Variants in GALNTL5 observed in about 807,000 individuals in gnomAD.
The protein encoded by GALNTL5 is polypeptide N-acetylgalactosaminyltransferase like 5.
A neutral mutation model predicts 51.0 loss-of-function variants in GALNTL5; 44 were observed. That is an observed-to-expected ratio of 0.86 (90% CI 0.68 to 1.11). The LOEUF is 1.11. Ranked by LOEUF, GALNTL5 falls within the 50% of genes least tolerant of loss-of-function variation. The probability of loss-of-function intolerance (pLI) is 0.00; values close to 1 mark genes in which losing one functional copy is unlikely to be tolerated. For missense variants in GALNTL5, 528 were observed against 531.8 expected (o/e 0.99, Z 0.07); for synonymous variants, 192 against 182.8 (o/e 1.05, Z -0.41).
chr7:152,016,333 G>A (rs2081812954), intron 8 of GALNTL5, among the ~76,000 whole-genome samples: 1 of 151,982 alleles, frequency 6.6e-6, no homozygotes, highest in African/African-American at 2.4e-5. Context: ...GAACCCAGGA[G>A]GCGGAAGTTG....
At chr7:151,979,481 CAG>C (rs2081252395) in intron 3 of GALNTL5, among the ~76,000 whole-genome samples, 1 of 150,118 alleles carries the variant, frequency 6.7e-6, no homozygotes, top group Admixed American at 6.7e-5. Flanking sequence ...GGGAGGGGGG[CAG>C]AGTTTTGCTC....
intron 8 of GALNTL5, among the ~76,000 whole-genome samples, chr7:152,017,226 G>C (rs774426928): frequency 3.9e-5 from 6 of 152,072 alleles, no homozygotes; most frequent in Non-Finnish European, 8.8e-5. Context: ...TGGCTATATG[G>C]TATGGCCCAT....
At chr7:152,014,584 A>G in intron 7 of GALNTL5, 60 bp from the exon 8 acceptor site, 1 of 1,509,642 alleles carries the variant, frequency 6.6e-7, no homozygotes, top group Admixed American at 2.1e-5. Flanking sequence ...TTGGTTTAAA[A>G]GCAGTTGCCT....
At chr7:152,005,678 G>C (rs1337167406) in intron 6 of GALNTL5, among the ~76,000 whole-genome samples, 2 of 152,130 alleles carry the variant, frequency 1.3e-5, no homozygotes, top group Non-Finnish European at 2.9e-5. Flanking sequence ...TATAGAATAT[G>C]TATATTGAGA....
At chr7:151,999,187 G>A (rs1241665334) in intron 5 of GALNTL5, among the ~76,000 whole-genome samples, 2 of 152,164 alleles carry the variant, frequency 1.3e-5, no homozygotes, top group Non-Finnish European at 2.9e-5. Context: ...TCATCCACAT[G>A]GTGGATGTGT....
chr7:152,014,036 T>TA (rs1250690419), intron 7 of GALNTL5, among the ~76,000 whole-genome samples: 28 of 152,328 alleles, frequency 1.8e-4, no homozygotes, highest in Admixed American at 7.8e-4. Flanking sequence ...TTCCTGTAGG[T>TA]AATTATGAGA....
intron 1 of GALNTL5, among the ~76,000 whole-genome samples, chr7:151,961,782 G>A (rs983890648): frequency 5.3e-5 from 8 of 152,066 alleles, no homozygotes; most frequent in African/African-American, 1.9e-4. Context: ...GTGTTTACCA[G>A]TATCCATGCT....
chr7:151,978,944 A>C (rs2081240782), intron 3 of GALNTL5, among the ~76,000 whole-genome samples: 1 of 152,136 alleles, frequency 6.6e-6, no homozygotes, highest in South Asian at 2.1e-4. Flanking sequence ...CCTGGGGACT[A>C]GAACTTCACT....
intron 5 of GALNTL5, among the ~76,000 whole-genome samples, chr7:151,995,662 C>T (rs913668828): frequency 3.1e-4 from 41 of 130,776 alleles, no homozygotes; most frequent in East Asian, 1.3e-3. Context: ...ATAAGGACAT[C>T]ACCTACATTT....
intron 2 of GALNTL5, 136 bp downstream of exon 2, chr7:151,967,629 T>C (rs2081076644): frequency 3.4e-6 from 2 of 587,996 alleles, no homozygotes; most frequent in East Asian, 3.1e-5. Flanking sequence ...ATATAGTGTA[T>C]ATATCTATAC....
chr7:152,015,003 A>T (rs937213468), intron 8 of GALNTL5, among the ~76,000 whole-genome samples: 15 of 152,190 alleles, frequency 9.9e-5, no homozygotes, highest in African/African-American at 3.6e-4. Context: ...GCAGGGAACA[A>T]CAGATACTGG....
In GALNTL5 at chr7:152,007,858, A is replaced by G. The variant is rs754743676; in HGVS notation, c.940A>G (p.Ile314Val). ...SPAMSGGIFAIRRHYFNEIGQ... is the reference protein window; with the variant it reads ...SPAMSGGIFAVRRHYFNEIGQ... ...TGCAATGTCTGGAGGAATTTTTGCTATACGTCGGCATTATTTTAATGAAAT... is the reference window on the plus strand; with the variant it reads ...TGCAATGTCTGGAGGAATTTTTGCTGTACGTCGGCATTATTTTAATGAAAT... The change falls in exon 7 of 9, where the codon ATA (isoleucine) becomes GTA (valine). Residue 314 changes from isoleucine (I) to valine (V), a missense_variant. Physicochemically the swap from Ile to Val is conservative, Grantham distance 29 (BLOSUM62 3). Transcript: ENST00000392800. 1.2e-6 allele frequency: 2 copies of G among 1,611,994 alleles called. No individual in the cohort carries two copies. Among genetic ancestry groups the G allele is most frequent in the Admixed American group, 1.7e-5 (1 of 59,922 alleles).
intron 4 of GALNTL5, among the ~76,000 whole-genome samples, chr7:151,983,711 A>T (rs779266469): frequency 6.6e-6 from 1 of 152,184 alleles, no homozygotes; most frequent in Non-Finnish European, 1.5e-5. Flanking sequence ...TTCAGGAAGA[A>T]GTGACATGTC....
chr7:151,964,223 T>C (rs2081029031), intron 1 of GALNTL5, among the ~76,000 whole-genome samples: 1 of 152,222 alleles, frequency 6.6e-6, no homozygotes, highest in South Asian at 2.1e-4. Context: ...TGTGACCTCA[T>C]ATAACCATAA....
intron 7 of GALNTL5, among the ~76,000 whole-genome samples, chr7:152,012,695 G>A (rs377256451): frequency 3.3e-5 from 5 of 152,208 alleles, no homozygotes; most frequent in African/African-American, 1.2e-4. Flanking sequence ...GGCCAGGCAT[G>A]GTGATTCACG....
chr7:152,015,213 A>G (rs1165253876), intron 8 of GALNTL5, among the ~76,000 whole-genome samples: 1 of 152,114 alleles, frequency 6.6e-6, no homozygotes, highest in Non-Finnish European at 1.5e-5. Context: ...ATTTCTGGGA[A>G]AACTCAAGTC....
chr7:151,974,599 T>C (rs2081185608), intron 3 of GALNTL5, among the ~76,000 whole-genome samples: 1 of 152,206 alleles, frequency 6.6e-6, no homozygotes, highest in Admixed American at 6.5e-5. Flanking sequence ...ACAATGTATC[T>C]GGGTCATGAT....
intron 5 of GALNTL5, among the ~76,000 whole-genome samples, chr7:151,993,121 C>A (rs1352040908): frequency 6.6e-6 from 1 of 151,846 alleles, no homozygotes; most frequent in African/African-American, 2.4e-5. Flanking sequence ...GCATCCATAG[C>A]TACTCAGGAG....
intron 1 of GALNTL5, among the ~76,000 whole-genome samples, chr7:151,956,826 G>A (rs1346193045): frequency 6.6e-6 from 1 of 152,026 alleles, no homozygotes; most frequent in East Asian, 1.9e-4. Flanking sequence ...CATTGTAATG[G>A]CTTTAGTTCA....
Sources: allele counts gnomAD v4.1 joint callset (sites outside exome capture counted in the v4.1 genomes callset), GRCh38; gene constraint gnomAD v4.1.1; transcripts MANE v1.5; gene names NCBI Gene and HGNC (gene_info 2026-07-23, HGNC 2026-07-21).